Variants in HTR7 observed in about 807,000 individuals in gnomAD.
The protein encoded by HTR7 is 5-hydroxytryptamine receptor 7, also known as 5-HT-7.
Under a neutral mutation model 34.0 loss-of-function variants are expected in HTR7, and 16 were observed. The ratio of observed to expected loss-of-function variants is 0.47; its 90% CI spans 0.32 to 0.71. The LOEUF is 0.71. HTR7 is among the 30% of genes least tolerant of loss of function. HTR7 has a pLI of 0.04. For missense variants in HTR7, 504 were observed against 625.5 expected (o/e 0.81, Z 2.07); for synonymous variants, 265 against 260.2 (o/e 1.02, Z -0.18).
intron 1 of HTR7, among the ~76,000 whole-genome samples, chr10:90,831,460 G>A (rs1325190555): frequency 2.6e-5 from 4 of 152,108 alleles, no homozygotes; most frequent in African/African-American, 9.7e-5. Flanking sequence ...GCAAATCTTC[G>A]CTGTGAGTGT....
intron 1 of HTR7, among the ~76,000 whole-genome samples, chr10:90,838,319 A>G (rs367633166): frequency 6.6e-6 from 1 of 152,270 alleles, no homozygotes; most frequent in Non-Finnish European, 1.5e-5. Context: ...TGTCTCCCTC[A>G]GCGCCTACAT....
chr10:90,758,259 C>T (rs1589437953), intron 1 of HTR7, among the ~76,000 whole-genome samples: 2 of 146,198 alleles, frequency 1.4e-5, no homozygotes, highest in African/African-American at 2.5e-5. Flanking sequence ...GCAGAAGAAT[C>T]GCTTGAACCC....
rs1846618066 is a variant in HTR7, at chr10:90,857,755, G to A, written c.-84C>T. The A allele has an allele frequency of 7.6e-7, 1 of 1,310,156 alleles. No individual in the cohort carries two copies. The highest frequency in any genetic ancestry group is 9.8e-7 in the Non-Finnish European group (1 of 1,018,636). 81.2% of individuals were successfully genotyped at this position (1,310,156 alleles called of 1,614,324 possible). On this transcript the variant is annotated 5_prime_UTR_variant, in exon 1 of 4. Coordinates refer to ENST00000336152, the MANE Select transcript of HTR7 (RefSeq NM_019859.4). The surrounding 1 kb of genome is among the most constrained non-coding windows in gnomAD (Gnocchi z 6.5). ...CCGGCCCCGGGGCTTCACCTCACCG[G>A]TTCCGCTCCGCCCGGCCCAGCCATG...
chr10:90,756,614 A>G (rs1844835622), intron 1 of HTR7, among the ~76,000 whole-genome samples: 3 of 152,190 alleles, frequency 2.0e-5, no homozygotes, highest in South Asian at 2.1e-4. Flanking sequence ...AATTCAACCA[A>G]GTTTGGAAAC....
intron 1 of HTR7, among the ~76,000 whole-genome samples, chr10:90,789,760 A>G (rs1845436884): frequency 6.6e-6 from 1 of 152,156 alleles, no homozygotes; most frequent in South Asian, 2.1e-4. Context: ...GTGGCTAAAC[A>G]TTTGGATTTG....
chr10:90,841,873 G>A (rs888797472), intron 1 of HTR7, among the ~76,000 whole-genome samples: 3 of 152,140 alleles, frequency 2.0e-5, no homozygotes, highest in East Asian at 1.9e-4. Flanking sequence ...GATGGTGCAC[G>A]ACTGTAATCG....
At chr10:90,822,849 C>A (rs1437640496) in intron 1 of HTR7, among the ~76,000 whole-genome samples, 1 of 152,196 alleles carries the variant, frequency 6.6e-6, no homozygotes, top group Non-Finnish European at 1.5e-5. Context: ...GGAGCCACAT[C>A]TAAAAGAGGC....
At chr10:90,778,250 G>A (rs1378718020) in intron 1 of HTR7, among the ~76,000 whole-genome samples, 1 of 152,216 alleles carries the variant, frequency 6.6e-6, no homozygotes, top group Non-Finnish European at 1.5e-5. Context: ...TTTAAGAGAA[G>A]ACTGGGTCAG....
In HTR7 at chr10:90,743,582, T is replaced by C; in HGVS notation, c.1393+11A>G. 6.2e-7 allele frequency: 1 copy of C among 1,607,004 alleles called. No individual in the cohort carries two copies. Among genetic ancestry groups the C allele is most frequent in the Non-Finnish European group, 8.5e-7 (1 of 1,173,608 alleles). On this transcript the variant is annotated intron_variant, in intron 3 of 3. Coordinates refer to ENST00000336152, the MANE Select transcript of HTR7 (RefSeq NM_019859.4). ...CACTATCTCCAAAGTCTCCCTTTCC[T>C]TGCTACCCACCTGCTAACCAATTGT...
At chr10:90,768,545 C>A (rs1438760241) in intron 1 of HTR7, among the ~76,000 whole-genome samples, 1 of 152,090 alleles carries the variant, frequency 6.6e-6, no homozygotes, top group South Asian at 2.1e-4. Flanking sequence ...TTATCTCCCT[C>A]TTTCTTAAAT....
In HTR7 at chr10:90,793,458, TTA is replaced by T. The variant is rs11472590; in HGVS notation, c.540-43866_540-43865del. Among the ~76,000 whole-genome samples, 27 of 145,734 alleles carry T rather than the reference TTA, an allele frequency of 1.9e-4. No homozygotes were observed. In the East Asian group the frequency reaches 2.8e-3, roughly 15 times the overall value. On this transcript the variant is annotated intron_variant, in intron 1 of 3. Transcript: ENST00000336152. ...TATAGTAGTACATCAATATTTCTAA[TTA>T]TATATATATATATTTAGTATAGATA... is the stretch of plus-strand genomic sequence containing the variant.
At chr10:90,850,119 A>G (rs12258938) in intron 1 of HTR7, among the ~76,000 whole-genome samples, 24,507 of 152,284 alleles carry the variant, frequency 0.16, 1,982 homozygotes, top group African/African-American at 0.17. Flanking sequence ...CTAAAAGGCA[A>G]AGATGCCAGT....
At chr10:90,844,660 T>C (rs992253618) in intron 1 of HTR7, among the ~76,000 whole-genome samples, 1 of 131,566 alleles carries the variant, frequency 7.6e-6, no homozygotes, top group Non-Finnish European at 1.5e-5. Context: ...CCGGGAGGCG[T>C]AGCTTGCAGT....
At position 90,760,838 on chromosome 10, in the gene HTR7, G is replaced by A. The variant is rs191726226; in HGVS notation, c.540-11244C>T. ...GTAAGTTGCAGTGAGCCGAGATTGC[G>A]CCACTGAACTGCAGCCTGCGCAACA... On this transcript the variant is annotated intron_variant, in intron 1 of 3. Coordinates refer to ENST00000336152, the MANE Select transcript of HTR7 (RefSeq NM_019859.4). Among the ~76,000 whole-genome samples the A allele has an allele frequency of 7.3e-3, 1,114 of 152,136 alleles. 5 individuals are homozygous for A. Among genetic ancestry groups the A allele is most frequent in the Non-Finnish European group, 0.011 (726 of 67,996 alleles).
chr10:90,743,793 A>G, intron 2 of HTR7, 103 bp from the exon 3 acceptor site: 1 of 899,882 alleles, frequency 1.1e-6, no homozygotes, highest in East Asian at 2.6e-5. Flanking sequence ...GTTTTATATT[A>G]CCAATCTGTG....
At chr10:90,825,278 C>T (rs1457642961) in intron 1 of HTR7, among the ~76,000 whole-genome samples, 2 of 152,136 alleles carry the variant, frequency 1.3e-5, no homozygotes, top group Non-Finnish European at 1.5e-5. Flanking sequence ...CAGGCTTATA[C>T]CTCTACAAGG....
chr10:90,799,045 A>C (rs184541965), intron 1 of HTR7, among the ~76,000 whole-genome samples: 29 of 152,286 alleles, frequency 1.9e-4, no homozygotes, highest in African/African-American at 6.0e-4. Context: ...TGTAAAACCT[A>C]AGATTAGTGC....
intron 1 of HTR7, among the ~76,000 whole-genome samples, chr10:90,834,038 AGGCACGC>A (rs1846217458): frequency 6.6e-6 from 1 of 152,244 alleles, no homozygotes; most frequent in Non-Finnish European, 1.5e-5. Flanking sequence ...GATAGGTAAA[AGGCACGC>A]TTACTGCAAA....
chr10:90,838,028 T>A (rs1846278170), intron 1 of HTR7, among the ~76,000 whole-genome samples: 1 of 152,102 alleles, frequency 6.6e-6, no homozygotes, highest in Non-Finnish European at 1.5e-5. Flanking sequence ...TCCAAACATT[T>A]TATCCCTCAA....
Sources: gnomAD v4.1 joint callset for allele counts (sites outside exome capture counted in the v4.1 genomes callset) on GRCh38, gnomAD v4.1.1 for gene constraint, Gnocchi (gnomAD v3.1) non-coding constraint, MANE v1.5 for transcripts, NCBI Gene and HGNC (gene_info 2026-07-23, HGNC 2026-07-21) for gene names.